ATP8B1: variants seen among roughly 807,000 people sequenced by gnomAD.
ATP8B1 encodes ATPase phospholipid transporting 8B1, also known as phospholipid-transporting ATPase IC.
In ATP8B1, 80 loss-of-function variants were observed where a neutral mutation model predicts 149.9. The ratio of observed to expected loss-of-function variants is 0.53; its 90% CI spans 0.45 to 0.64. ATP8B1 has a LOEUF of 0.64. Among genes scored for constraint, ATP8B1 ranks in the 30% least tolerant of loss-of-function variants. The probability of loss-of-function intolerance (pLI) is 0.00; values close to 1 mark genes in which losing one functional copy is unlikely to be tolerated. For synonymous variants in ATP8B1, 536 were observed against 562.8 expected, an observed-to-expected ratio of 0.95 and a Z score of 0.67; for missense variants, 1,247 against 1,552.6, an observed-to-expected ratio of 0.80 and a Z score of 3.31.
chr18:57,658,105 G>A (rs1211092072), intron 22 of ATP8B1, among the ~76,000 whole-genome samples: 2 of 151,610 alleles, frequency 1.3e-5, no homozygotes, highest in African/African-American at 4.8e-5. Context: ...GGAGTGCAGT[G>A]GTGCGATCTT....
chr18:57,768,124 G>A (rs4264474), intron 1 of ATP8B1, among the ~76,000 whole-genome samples: 62,100 of 151,834 alleles, frequency 0.41, 12,832 homozygotes, highest in Non-Finnish European at 0.44. Flanking sequence ...AGTGGCTCAC[G>A]CCTGTAATCC....
chr18:57,716,455 A>C (rs369506060), intron 2 of ATP8B1, among the ~76,000 whole-genome samples: 1 of 152,276 alleles, frequency 6.6e-6, no homozygotes, highest in East Asian at 1.9e-4. Flanking sequence ...TGCCTACAAC[A>C]GACACTCCAC....
chr18:57,768,270 C>T (rs2080231492), intron 1 of ATP8B1, among the ~76,000 whole-genome samples: 2 of 150,448 alleles, frequency 1.3e-5, no homozygotes, highest in Admixed American at 1.3e-4. Flanking sequence ...ACCTGTAGTC[C>T]CAGCTACTGG....
At chr18:57,716,117 TTTTC>T (rs2079580682) in intron 2 of ATP8B1, among the ~76,000 whole-genome samples, 1 of 152,094 alleles carries the variant, frequency 6.6e-6, no homozygotes, top group Non-Finnish European at 1.5e-5. Context: ...AGTTTATTAG[TTTTC>T]TTTTAGCTTA....
intron 1 of ATP8B1, among the ~76,000 whole-genome samples, chr18:57,752,157 T>C (rs2080027408): frequency 6.6e-6 from 1 of 151,284 alleles, no homozygotes; most frequent in Non-Finnish European, 1.5e-5. Context: ...CAGTGAGCCA[T>C]GACTGCACCA....
In ATP8B1 at chr18:57,667,208, T is replaced by TTTTTA. The variant is rs45454792; in HGVS notation, c.2210-46_2210-42dup. The TTTTTA allele has an allele frequency of 0.1, 150,324 of 1,461,218 alleles. 9,630 individuals are homozygous for TTTTTA. Among genetic ancestry groups the TTTTTA allele is most frequent in the African/African-American group, 0.13 (9,305 of 71,264 alleles). 90.5% of individuals were successfully genotyped at this position (1,461,218 alleles called of 1,614,324 possible). A position where few individuals can be genotyped will look rare whatever the true frequency, so the allele number is the denominator to read the frequency against. On this transcript the variant is annotated intron_variant, in intron 19 of 27. Coordinates refer to ENST00000648908, the MANE Select transcript of ATP8B1 (RefSeq NM_001374385.1). ...ATTAAGTCAAATGTCATTCCTGCTG[T>TTTTTA]TTTTATTTTATTTTATTTTGTTTTT...
intron 1 of ATP8B1, among the ~76,000 whole-genome samples, chr18:57,759,208 T>A (rs965391950): frequency 6.7e-6 from 1 of 149,528 alleles, no homozygotes; most frequent in Non-Finnish European, 1.5e-5. Flanking sequence ...CACGATGGCT[T>A]GCTTCCCTTT....
chr18:57,650,118 T>C (rs896220062), intron 27 of ATP8B1, among the ~76,000 whole-genome samples: 1 of 152,208 alleles, frequency 6.6e-6, no homozygotes, highest in African/African-American at 2.4e-5. Context: ...ACTGAGGAGA[T>C]AGATATATGG....
intron 1 of ATP8B1, among the ~76,000 whole-genome samples, chr18:57,754,348 G>A (rs907432583): frequency 4.6e-5 from 7 of 152,016 alleles, no homozygotes; most frequent in African/African-American, 1.7e-4. Context: ...TGAGGCAGGA[G>A]AATTGCTTGA....
At chr18:57,713,252 TTTCTTTCTTTCTCTTTCTTTCTTTC>T (rs1913817032) in intron 2 of ATP8B1, among the ~76,000 whole-genome samples, 1 of 122,354 alleles carries the variant, frequency 8.2e-6, no homozygotes, top group African/African-American at 3.0e-5. Context: ...TCTTTCTTTC[TTTCTTTCTTTCTCTTTCTTTCTTTC>T]TTTTTTCTTT....
chr18:57,704,295 T>C (rs762650533), intron 4 of ATP8B1, among the ~76,000 whole-genome samples: 3 of 152,164 alleles, frequency 2.0e-5, no homozygotes, highest in Non-Finnish European at 2.9e-5. Flanking sequence ...ACTTCAGGGA[T>C]ACCAATTTTA....
At chr18:57,763,875 T>C (rs192579949) in intron 1 of ATP8B1, among the ~76,000 whole-genome samples, 1 of 152,296 alleles carries the variant, frequency 6.6e-6, no homozygotes, top group Admixed American at 6.5e-5. Flanking sequence ...ACTCTCCAGG[T>C]AGGTAGTTCC....
At chr18:57,780,267 A>C (rs556581202) in intron 1 of ATP8B1, among the ~76,000 whole-genome samples, 4 of 152,234 alleles carry the variant, frequency 2.6e-5, no homozygotes, top group African/African-American at 9.6e-5. Flanking sequence ...CAACTTGTGA[A>C]ATTTGTTTAA....
intron 1 of ATP8B1, among the ~76,000 whole-genome samples, chr18:57,757,435 C>G (rs985809670): frequency 8.5e-5 from 13 of 152,194 alleles, no homozygotes; most frequent in African/African-American, 2.9e-4. Flanking sequence ...ACTTGATGTG[C>G]TTGTTACTAG....
In ATP8B1 at chr18:57,648,521, G is replaced by A; in HGVS notation, c.3723C>T (p.Gly1241=). ...RSPLDAIVAD[G]TAEYRRTGDS is the part of the protein sequence containing the mutation. ...CCCCGGTGCGCCTGTACTCCGCGGTGCCATCCGCCACGATGGCATCAAGCG... is the reference window on the plus strand; with the variant it reads ...CCCCGGTGCGCCTGTACTCCGCGGTACCATCCGCCACGATGGCATCAAGCG... The change falls in exon 28 of 28, where the codon GGC becomes GGT. Residue 1241 remains glycine, a synonymous_variant. Transcript: ENST00000648908. 1 of 1,611,404 alleles carries A rather than the reference G, an allele frequency of 6.2e-7. No homozygotes were observed. The highest frequency in any genetic ancestry group is 1.1e-5 in the South Asian group (1 of 91,000).
chr18:57,655,365 C>T lies in ATP8B1; in HGVS notation c.2760G>A (p.Met920Ile). 6.2e-7 allele frequency: 1 copy of T among 1,614,234 alleles called. No homozygotes were observed. The highest frequency in any genetic ancestry group is 1.1e-5 in the South Asian group (1 of 91,088). ...ISGQEGMQAV[M>I]SSDYSFAQFR... ...ACTGAGCAAAGGAATAGTCACTCGA[C>T]ATGACAGCTTGCATTCCTTCTTGTC... Residue 920 changes from methionine to isoleucine, a missense_variant, in exon 23 of 28, where the codon ATG becomes ATA. Met to Ile is a conservative substitution (Grantham distance 10, BLOSUM62 1). Around this residue, in one of 3 missense-constraint regions of ATP8B1, gnomAD observed 230 missense variants for 356.6 expected, o/e 0.65. Transcript: ENST00000648908.
chr18:57,702,656 G>A (rs183219435), intron 4 of ATP8B1, among the ~76,000 whole-genome samples: 151 of 152,218 alleles, frequency 9.9e-4, no homozygotes, highest in African/African-American at 3.4e-3. Flanking sequence ...TTGGAAGTTC[G>A]AGACCAGCCT....
At chr18:57,770,839 G>A (rs1312383294) in intron 1 of ATP8B1, among the ~76,000 whole-genome samples, 4 of 152,300 alleles carry the variant, frequency 2.6e-5, no homozygotes, top group African/African-American at 7.2e-5. Flanking sequence ...TAAAGTCACC[G>A]TTCTTCTAGA....
At chr18:57,686,699 A>G (rs28813698) in intron 13 of ATP8B1, among the ~76,000 whole-genome samples, 58,487 of 151,972 alleles carry the variant, frequency 0.38, 13,124 homozygotes, top group African/African-American at 0.63. Context: ...GATTACAGGC[A>G]TGAGCCACTG....
Sources: allele counts gnomAD v4.1 joint callset (sites outside exome capture counted in the v4.1 genomes callset), GRCh38; gene constraint gnomAD v4.1.1; regional missense constraint gnomAD v4.1.1; transcripts MANE v1.5; gene names NCBI Gene and HGNC (gene_info 2026-07-23, HGNC 2026-07-21).